AGMO: variants seen among roughly 807,000 people sequenced by gnomAD.
The protein encoded by AGMO is glyceryl-ether monooxygenase.
Under a neutral mutation model 60.2 loss-of-function variants are expected in AGMO, and 75 were observed. The ratio of observed to expected loss-of-function variants is 1.25; its 90% CI spans 1.03 to 1.51. The LOEUF (loss-of-function observed/expected upper bound fraction) is 1.51, where lower values mean the gene tolerates loss of function less well. Ranked by LOEUF, AGMO falls within the 40% of genes most tolerant of loss-of-function variation. The pLI is 0.00. For synonymous variants in AGMO, 261 were observed against 177.1 expected (o/e 1.47, Z -3.76); for missense variants, 763 against 525.5 (o/e 1.45, Z -4.42).
At chr7:15,529,125 A>G (rs1784208103) in intron 3 of AGMO, among the ~76,000 whole-genome samples, 1 of 152,088 alleles carries the variant, frequency 6.6e-6, no homozygotes, top group South Asian at 2.1e-4. Flanking sequence ...GAATTCTTAA[A>G]ATGCACTGAC....
At chr7:15,316,583 T>C (rs903312033) in intron 12 of AGMO, among the ~76,000 whole-genome samples, 3 of 143,826 alleles carry the variant, frequency 2.1e-5, no homozygotes, top group Admixed American at 7.2e-5. Context: ...AGACTTCTTG[T>C]ATGAGACTGC....
At chr7:15,330,560 C>T (rs1781469062) in intron 12 of AGMO, among the ~76,000 whole-genome samples, 2 of 152,000 alleles carry the variant, frequency 1.3e-5, no homozygotes, top group Non-Finnish European at 2.9e-5. Context: ...TTAGGCACTC[C>T]CTTTACTTCA....
intron 12 of AGMO, among the ~76,000 whole-genome samples, chr7:15,357,417 TAATA>T (rs145052278): frequency 0.017 from 2,632 of 151,954 alleles, 66 homozygotes; most frequent in African/African-American, 0.059. Context: ...TGAACCCAAG[TAATA>T]AATAAAACCT....
intron 3 of AGMO, among the ~76,000 whole-genome samples, chr7:15,493,478 A>T (rs541512191): frequency 5.7e-5 from 8 of 140,182 alleles, no homozygotes; most frequent in Non-Finnish European, 1.1e-4. Flanking sequence ...GGTTCACGCC[A>T]TTCTCCTGCC....
At chr7:15,125,043 G>C in the AGMO span, among the ~76,000 whole-genome samples, 1 of 150,720 alleles carries the variant, frequency 6.6e-6, no homozygotes, top group Non-Finnish European at 1.5e-5. Flanking sequence ...CAGTATTTTT[G>C]GAATGGGATG....
intron 10 of AGMO, among the ~76,000 whole-genome samples, chr7:15,375,196 G>T (rs1020948549): frequency 1.3e-5 from 2 of 152,006 alleles, no homozygotes; most frequent in Non-Finnish European, 2.9e-5. Flanking sequence ...TTTTGTGGGA[G>T]CCACTCTGAA....
At chr7:15,334,209 ACAT>A (rs1404998165) in intron 12 of AGMO, among the ~76,000 whole-genome samples, 2 of 152,128 alleles carry the variant, frequency 1.3e-5, no homozygotes, top group South Asian at 2.1e-4. Context: ...GAAATGCTAA[ACAT>A]CATATTGAAA....
intron 3 of AGMO, among the ~76,000 whole-genome samples, chr7:15,535,726 G>T (rs1165898812): frequency 6.6e-6 from 1 of 151,914 alleles, no homozygotes; most frequent in Non-Finnish European, 1.5e-5. Flanking sequence ...CATGCAATGT[G>T]TAACAGTCAC....
intron 3 of AGMO, among the ~76,000 whole-genome samples, chr7:15,490,007 T>C (rs1461203080): frequency 6.6e-6 from 1 of 152,216 alleles, no homozygotes; most frequent in Non-Finnish European, 1.5e-5. Flanking sequence ...TCCTTCTCCG[T>C]GCACATGGCA....
At chr7:15,376,939 C>T (rs4551231) in intron 10 of AGMO, among the ~76,000 whole-genome samples, 49,382 of 151,380 alleles carry the variant, frequency 0.33, 8,544 homozygotes, top group African/African-American at 0.41. Context: ...TCAAATTGCT[C>T]TCTTGACTCC....
At chr7:15,414,171 C>A (rs1435636032) in intron 5 of AGMO, among the ~76,000 whole-genome samples, 1 of 151,908 alleles carries the variant, frequency 6.6e-6, no homozygotes, top group Non-Finnish European at 1.5e-5. Context: ...CCACACCCAG[C>A]TAATTGCTTT....
At chr7:15,534,579 G>A (rs919860156) in intron 3 of AGMO, among the ~76,000 whole-genome samples, 1 of 151,730 alleles carries the variant, frequency 6.6e-6, no homozygotes. Flanking sequence ...CAACTAAAAC[G>A]TTCATTTTCC....
At chr7:15,519,005 A>T (rs1369694207) in intron 3 of AGMO, among the ~76,000 whole-genome samples, 1 of 151,900 alleles carries the variant, frequency 6.6e-6, no homozygotes, top group Non-Finnish European at 1.5e-5. Context: ...ACACAGCATG[A>T]GAACTTCCTG....
chr7:15,322,913 C>T (rs116996587), intron 12 of AGMO, among the ~76,000 whole-genome samples: 46,955 of 141,330 alleles, frequency 0.33, 8,998 homozygotes, highest in Admixed American at 0.47. Context: ...TATATATATA[C>T]ACATATATGT....
chr7:15,480,029 A>G (rs919922038), intron 3 of AGMO, among the ~76,000 whole-genome samples: 1 of 152,208 alleles, frequency 6.6e-6, no homozygotes, highest in Admixed American at 6.5e-5. Flanking sequence ...GTGGCAACAG[A>G]CAAGAGAAAC....
At position 15,365,595 on chromosome 7, in the gene AGMO, A is replaced by T. The variant is rs775585810; in HGVS notation, c.1182T>A (p.Thr394=). Residue 394 remains threonine, a synonymous_variant, in exon 12 of 13, where the codon ACT becomes ACA. Coordinates refer to ENST00000342526, the MANE Select transcript of AGMO (RefSeq NM_001004320.2). ...GCATTAAGAACATCAAGCAACGGAG[A>T]GTTTCCATAATAGCTGCCTTGGGTC... ...DQRPKAAIME[T]LRCLMFLMLY... The T allele has an allele frequency of 1.9e-6, 3 of 1,612,672 alleles. No individual in the cohort carries two copies. The highest frequency in any genetic ancestry group is 1.1e-5 in the South Asian group (1 of 91,012).
At chr7:15,142,456 G>C in the AGMO span, among the ~76,000 whole-genome samples, 1 of 152,120 alleles carries the variant, frequency 6.6e-6, no homozygotes, top group African/African-American at 2.4e-5. Context: ...AGTGATAAAG[G>C]AGTACTGTCC....
intron 3 of AGMO, among the ~76,000 whole-genome samples, chr7:15,449,547 C>A (rs927103225): frequency 3.9e-5 from 6 of 152,094 alleles, no homozygotes; most frequent in African/African-American, 1.4e-4. Flanking sequence ...TTATTTGGTA[C>A]AGTAACATGC....
intron 12 of AGMO, among the ~76,000 whole-genome samples, chr7:15,225,366 GTTTTTGTGGTTT>G (rs1220233060): frequency 9.2e-5 from 14 of 151,718 alleles, no homozygotes; most frequent in Non-Finnish European, 7.4e-5. Flanking sequence ...CTTATGATAT[GTTTTTGTGGTTT>G]TAATTACTAT....
Sources: allele counts gnomAD v4.1 joint callset (sites outside exome capture counted in the v4.1 genomes callset), GRCh38; gene constraint gnomAD v4.1.1; transcripts MANE v1.5; gene names NCBI Gene and HGNC (gene_info 2026-07-23, HGNC 2026-07-21).